Variants in ADARB2 observed in about 807,000 individuals in gnomAD.
The protein encoded by ADARB2 is adenosine deaminase RNA specific B2 (inactive), also known as inactive double-stranded RNA-specific editase B2.
ADARB2 carries 25 observed loss-of-function variants against 62.2 expected under a neutral mutation model. The observed-to-expected ratio is 0.40, with a 90% CI of 0.29 to 0.56. The LOEUF (loss-of-function observed/expected upper bound fraction) is 0.56, where lower values mean the gene tolerates loss of function less well. Ranked by LOEUF, ADARB2 falls within the 20% of genes least tolerant of loss-of-function variation. The pLI is 0.43. For missense variants in ADARB2, 1,071 were observed against 1,077.4 expected (o/e 0.99, Z 0.08); for synonymous variants, 572 against 500.8 (o/e 1.14, Z -1.90).
intron 1 of ADARB2, among the ~76,000 whole-genome samples, chr10:1,576,133 T>C (rs1473490828): frequency 2.5e-4 from 12 of 48,936 alleles, no homozygotes; most frequent in East Asian, 6.3e-4. Flanking sequence ...GGGCCCAGGG[T>C]CACAAGAGGG....
intron 1 of ADARB2, among the ~76,000 whole-genome samples, chr10:1,723,858 G>A (rs1486175008): frequency 1.3e-5 from 2 of 152,198 alleles, no homozygotes; most frequent in African/African-American, 2.4e-5. Context: ...CCCTGGAGAC[G>A]TGATGGTTTT....
At chr10:1,528,428 G>A (rs540465377) in intron 1 of ADARB2, among the ~76,000 whole-genome samples, 1 of 152,328 alleles carries the variant, frequency 6.6e-6, no homozygotes, top group Non-Finnish European at 1.5e-5. Flanking sequence ...TTGAGTCCCT[G>A]CTGTATGTGA....
intron 1 of ADARB2, among the ~76,000 whole-genome samples, chr10:1,722,418 G>C (rs936121539): frequency 2.0e-5 from 3 of 152,176 alleles, no homozygotes; most frequent in African/African-American, 7.2e-5. Context: ...GTGACTTCTT[G>C]TTTATGCAGG....
At chr10:1,319,131 T>C (rs1031211824) in intron 3 of ADARB2, among the ~76,000 whole-genome samples, 1 of 152,104 alleles carries the variant, frequency 6.6e-6, no homozygotes, top group East Asian at 1.9e-4. Flanking sequence ...ATCTATAGGA[T>C]GGGGCTGGTG....
chr10:1,737,132 TC>T lies in ADARB2; in HGVS notation c.18del (p.Ser7AlafsTer8). 1.2e-6 allele frequency: 2 copies of T among 1,608,964 alleles called. No homozygotes were observed. On this transcript the variant is annotated frameshift_variant, in exon 1 of 10. Coordinates refer to ENST00000381312, the MANE Select transcript of ADARB2 (RefSeq NM_018702.4). LOFTEE classifies it high-confidence loss of function. MASVL[G>X]SGRGSGGLSS... The stretch of plus-strand genomic sequence containing the variant: ...CTCAGCCCTCCAGACCCTCTGCCGC[TC>T]CCCAGGACCGAGGCCATGGCCGAGA...
chr10:1,630,710 A>G (rs568797990), intron 1 of ADARB2, among the ~76,000 whole-genome samples: 2 of 152,312 alleles, frequency 1.3e-5, no homozygotes, highest in Non-Finnish European at 2.9e-5. Context: ...ATGAAGGAAC[A>G]CTTTGGGAGG....
Position 1,613,860 on chromosome 10 carries a change from C to T in ADARB2, c.100+123191G>A, listed in dbSNP as rs989691508. Among the ~76,000 whole-genome samples, 7 of 152,280 alleles carry T rather than the reference C, an allele frequency of 4.6e-5. No individual in the cohort carries two copies. The East Asian group carries it at 5.8e-4, about 13-fold the overall frequency. ...AGTGGTTAAATGTGCGCGGGAAGCA[C>T]GGGGAAATTCAAGGAGTTTATTTCT... is the stretch of plus-strand genomic sequence containing the variant. On this transcript the variant is annotated intron_variant, in intron 1 of 9. Coordinates refer to ENST00000381312, the MANE Select transcript of ADARB2 (RefSeq NM_018702.4).
At chr10:1,439,075 G>T (rs1299040650) in intron 1 of ADARB2, among the ~76,000 whole-genome samples, 1 of 139,932 alleles carries the variant, frequency 7.1e-6, no homozygotes, top group East Asian at 2.2e-4. Flanking sequence ...TCATGATGGG[G>T]CTCCTGAATC....
intron 1 of ADARB2, among the ~76,000 whole-genome samples, chr10:1,569,558 T>G (rs1832908246): frequency 6.6e-6 from 1 of 152,226 alleles, no homozygotes; most frequent in African/African-American, 2.4e-5. Context: ...TCTGATTTTA[T>G]TCTTAAATTC....
intron 1 of ADARB2, among the ~76,000 whole-genome samples, chr10:1,485,703 T>C (rs1261651135): frequency 6.6e-6 from 1 of 152,142 alleles, no homozygotes; most frequent in Non-Finnish European, 1.5e-5. Flanking sequence ...ATAATAACGC[T>C]CCGTCTATGG....
At chr10:1,592,917 T>C (rs78821566) in intron 1 of ADARB2, among the ~76,000 whole-genome samples, 8 of 28,380 alleles carry the variant, frequency 2.8e-4, no homozygotes, top group Admixed American at 7.2e-4. Flanking sequence ...ATAGGTCTCC[T>C]CTCTGGCATG....
intron 1 of ADARB2, among the ~76,000 whole-genome samples, chr10:1,503,308 T>C (rs1831790005): frequency 6.6e-6 from 1 of 151,764 alleles, no homozygotes; most frequent in South Asian, 2.1e-4. Flanking sequence ...TGGCTCAGCT[T>C]CCTGAGTAGC....
At chr10:1,209,619 T>TCACCCA (rs370413263) in intron 7 of ADARB2, among the ~76,000 whole-genome samples, 54 of 144,378 alleles carry the variant, frequency 3.7e-4, no homozygotes, top group African/African-American at 1.3e-3. Flanking sequence ...GCCTACACCA[T>TCACCCA]CACCCACACC....
intron 6 of ADARB2, among the ~76,000 whole-genome samples, chr10:1,225,010 G>C (rs1830731781): frequency 6.6e-6 from 1 of 152,144 alleles, no homozygotes; most frequent in African/African-American, 2.4e-5. Context: ...AATTTTGACA[G>C]TGGGGTGTTA....
chr10:1,439,381 C>T (rs1246037383), intron 1 of ADARB2, among the ~76,000 whole-genome samples: 1 of 136,672 alleles, frequency 7.3e-6, no homozygotes, highest in African/African-American at 2.8e-5. Context: ...GGAGGCAGGC[C>T]CTTCACTATG....
rs568382021 is a variant in ADARB2, at chr10:1,452,923, C to A, written c.101-73763G>T. ...CTCCACATCAGTGTGTGACAGTCAC[C>A]AGGCTTTGTCACAATGCATCCTGGT... On this transcript the variant is annotated intron_variant, in intron 1 of 9. Transcript: ENST00000381312. Among the ~76,000 whole-genome samples, 20 of 152,266 alleles carry A rather than the reference C, an allele frequency of 1.3e-4. No homozygotes were observed. The South Asian group carries it at 3.9e-3, about 30-fold the overall frequency.
intron 3 of ADARB2, among the ~76,000 whole-genome samples, chr10:1,316,757 C>T (rs1325642979): frequency 6.6e-6 from 1 of 152,196 alleles, no homozygotes; most frequent in Non-Finnish European, 1.5e-5. Flanking sequence ...CTTTATTTTG[C>T]ATTAATGAAA....
intron 1 of ADARB2, among the ~76,000 whole-genome samples, chr10:1,696,491 C>T (rs1834748158): frequency 6.6e-6 from 1 of 152,166 alleles, no homozygotes; most frequent in Non-Finnish European, 1.5e-5. Context: ...CTTTAAGCAG[C>T]CTTTTATTTC....
intron 4 of ADARB2, among the ~76,000 whole-genome samples, chr10:1,254,878 T>A (rs901709346): frequency 1.3e-5 from 2 of 152,226 alleles, no homozygotes; most frequent in Non-Finnish European, 2.9e-5. Flanking sequence ...TGGTCCCCAT[T>A]TGCTGTACCT....
Sources: gnomAD v4.1 joint callset for allele counts (sites outside exome capture counted in the v4.1 genomes callset) on GRCh38, gnomAD v4.1.1 for gene constraint, MANE v1.5 for transcripts, NCBI Gene and HGNC (gene_info 2026-07-23, HGNC 2026-07-21) for gene names.